Variants in SVIL observed in about 807,000 individuals in gnomAD.
SVIL encodes archvillin.
In SVIL, 101 loss-of-function variants were observed where a neutral mutation model predicts 240.4. That is an observed-to-expected ratio of 0.42 (90% CI 0.36 to 0.50). The LOEUF is 0.50. Ranked by LOEUF, SVIL falls within the 20% of genes least tolerant of loss-of-function variation. The pLI, the probability that SVIL is intolerant of heterozygous loss-of-function variation, is 0.01. For missense variants in SVIL, 2,512 were observed against 2,818.7 expected, an observed-to-expected ratio of 0.89 and a Z score of 2.46; for synonymous variants, 999 against 1,100.0, an observed-to-expected ratio of 0.91 and a Z score of 1.82.
chr10:29,551,033 C>T lies in SVIL; in HGVS notation c.391G>A (p.Glu131Lys), dbSNP rs772034783. 6.2e-7 allele frequency: 1 copy of T among 1,614,162 alleles called. No individual in the cohort carries two copies. The highest frequency in any genetic ancestry group is 1.1e-5 in the South Asian group (1 of 91,078). The change falls in exon 6 of 38, where the codon GAG becomes AAG. Residue 131 changes from glutamate (E) to lysine (K), a missense_variant. Around this residue, in one of 3 missense-constraint regions of SVIL, gnomAD observed 1,443 missense variants for 1,486.6 expected, o/e 0.97. Coordinates refer to ENST00000355867, the MANE Select transcript of SVIL (RefSeq NM_021738.3). ...GACTTGGTATAGCGGGATAAATACT[C>T]GGAGTCGGCCTCGGGATCCAGAGTC... is the stretch of plus-strand genomic sequence containing the variant. The part of the protein sequence containing the change: ...GLTLDPEADS[E>K]YLSRYTKSRK...
At chr10:29,479,077 C>T (rs1946539485) in intron 29 of SVIL, among the ~76,000 whole-genome samples, 1 of 152,054 alleles carries the variant, frequency 6.6e-6, no homozygotes, top group Non-Finnish European at 1.5e-5. Flanking sequence ...TTTAAGAAGC[C>T]CCTGAAGTTT....
chr10:29,632,490 C>CAA (rs372500753), intron 1 of SVIL, among the ~76,000 whole-genome samples: 9 of 95,000 alleles, frequency 9.5e-5, no homozygotes, highest in African/African-American at 2.4e-4. Context: ...GACTCCATCT[C>CAA]AAAAAAAAAA....
Position 29,554,788 on chromosome 10 carries a change from T to A in SVIL, c.155A>T (p.His52Leu). ...YMRASDPASP[H>L]IGRSNEEEET... ...CCACCCAGCTCCACGCTCACCGATG[T>A]GGGGGCTGGCAGGGTCGCTGGCTCT... Residue 52 changes from histidine (H) to leucine (L), a missense_variant, in exon 5 of 38, where the codon CAC becomes CTC. Transcript: ENST00000355867. The A allele has an allele frequency of 3.1e-6, 5 of 1,595,578 alleles. No individual in the cohort carries two copies. Among genetic ancestry groups the A allele is most frequent in the Non-Finnish European group, 4.3e-6 (5 of 1,172,062 alleles).
Position 29,555,116 on chromosome 10 carries a change from A to G in SVIL, c.-50-8T>C. 6.2e-7 allele frequency: 1 copy of G among 1,602,314 alleles called. No homozygotes were observed. Among genetic ancestry groups the G allele is most frequent in the Admixed American group, 1.8e-5 (1 of 56,410 alleles). On this transcript the variant is annotated splice_polypyrimidine_tract_variant and splice_region_variant and intron_variant, in intron 3 of 37. Transcript: ENST00000355867. ...TTTGTCTTAATTCTGCAACTGGAAG[A>G]AAACCAAAAAAGAACAAAATATAGT...
chr10:29,680,514 C>T (rs1001958441), intron 2 of SVIL, among the ~76,000 whole-genome samples: 14 of 152,184 alleles, frequency 9.2e-5, no homozygotes, highest in East Asian at 3.9e-4. Context: ...AAATGGGCCC[C>T]GATGCGTGCT....
intron 6 of SVIL, among the ~76,000 whole-genome samples, chr10:29,538,566 C>G (rs1479476321): frequency 6.6e-6 from 1 of 152,176 alleles, no homozygotes; most frequent in East Asian, 1.9e-4. Flanking sequence ...TGCGATGCTC[C>G]CCTGCGATGC....
chr10:29,561,769 G>A (rs1187174865), intron 3 of SVIL, among the ~76,000 whole-genome samples: 1 of 152,164 alleles, frequency 6.6e-6, no homozygotes, highest in Non-Finnish European at 1.5e-5. Context: ...CAGGTACCGT[G>A]AACGATTAAT....
chr10:29,462,175 T>A (rs1588771809), intron 36 of SVIL, 102 bp downstream of exon 36: 2 of 1,404,516 alleles, frequency 1.4e-6, no homozygotes, highest in East Asian at 4.9e-5. Flanking sequence ...AAAAATATTT[T>A]CCCACTCTGA....
chr10:29,594,234 T>C (rs991814049), intron 1 of SVIL, among the ~76,000 whole-genome samples: 4 of 118,436 alleles, frequency 3.4e-5, no homozygotes, highest in African/African-American at 6.5e-5. Context: ...CCCCAAGATA[T>C]CTCATTATGT....
chr10:29,520,952 G>A (rs1403110885), intron 16 of SVIL, among the ~76,000 whole-genome samples: 9 of 151,174 alleles, frequency 6.0e-5, no homozygotes, highest in African/African-American at 1.9e-4. Flanking sequence ...GGCCAGGCAC[G>A]GTGGCTCACG....
At chr10:29,596,838 G>A (rs1181590840) in intron 1 of SVIL, among the ~76,000 whole-genome samples, 1 of 152,198 alleles carries the variant, frequency 6.6e-6, no homozygotes, top group Non-Finnish European at 1.5e-5. Context: ...ATGGACAATG[G>A]TAAAGTGTTT....
chr10:29,615,061 G>A (rs539151595), intron 1 of SVIL, among the ~76,000 whole-genome samples: 3 of 152,112 alleles, frequency 2.0e-5, no homozygotes, highest in Non-Finnish European at 4.4e-5. Flanking sequence ...ATAACAAAAA[G>A]TGTTGGAATT....
chr10:29,529,577 T>G, intron 12 of SVIL, 128 bp downstream of exon 12: 1 of 1,129,964 alleles, frequency 8.8e-7, no homozygotes, highest in Non-Finnish European at 1.2e-6. Flanking sequence ...AATCCCTTAG[T>G]ACTAACTTCT....
At chr10:29,609,052 T>C (rs989293200) in intron 1 of SVIL, among the ~76,000 whole-genome samples, 1 of 152,186 alleles carries the variant, frequency 6.6e-6, no homozygotes, top group Non-Finnish European at 1.5e-5. Context: ...CTAAGACACT[T>C]GTCTGGACCA....
At position 29,620,681 on chromosome 10, in the gene SVIL, C is replaced by G. The variant is rs769284036; in HGVS notation, c.-201+13739G>C. Among the ~76,000 whole-genome samples, 9 of 152,268 alleles carry G rather than the reference C, an allele frequency of 5.9e-5. No homozygotes were observed. The South Asian group carries it at 6.2e-4, about 10-fold the overall frequency. ...TCACCCAGGCTGGAGTACAATGGCA[C>G]GATCTCAGCTCACTGCAAACTCCAC... On this transcript the variant is annotated intron_variant, in intron 1 of 37. Transcript: ENST00000355867.
intron 1 of SVIL, among the ~76,000 whole-genome samples, chr10:29,627,998 C>G (rs1159110292): frequency 9.2e-5 from 14 of 152,142 alleles, no homozygotes; most frequent in Admixed American, 9.2e-4. Flanking sequence ...CTGGCTCAAA[C>G]CTATAGAGTT....
intron 1 of SVIL, among the ~76,000 whole-genome samples, chr10:29,605,269 C>G (rs542567749): frequency 2.0e-5 from 3 of 152,290 alleles, no homozygotes; most frequent in Admixed American, 6.5e-5. Flanking sequence ...TTGCTGTTTT[C>G]AAACAAAGCT....
chr10:29,524,557 G>C lies in SVIL; in HGVS notation c.2501C>G (p.Ser834Cys). 6.2e-7 allele frequency: 1 copy of C among 1,614,140 alleles called. No homozygotes were observed. The highest frequency in any genetic ancestry group is 8.5e-7 in the Non-Finnish European group (1 of 1,180,046). The change falls in exon 14 of 38, where the codon TCT becomes TGT. Residue 834 changes from serine (S) to cysteine (C), a missense_variant. By Grantham distance (112) the Ser-to-Cys change is moderately radical (BLOSUM62 -1). Transcript: ENST00000355867. ...TCTCGTGTCTATTCTGTTCCGGGTA[G>C]AAATCGCTTTTGAGACTGGCTGGGA... is the stretch of plus-strand genomic sequence containing the variant. ...KLSQPVSKAI[S>C]TRNRIDTRQR...
chr10:29,592,062 C>A (rs1956411764), intron 1 of SVIL, among the ~76,000 whole-genome samples: 1 of 152,110 alleles, frequency 6.6e-6, no homozygotes, highest in South Asian at 2.1e-4. Flanking sequence ...ACCAGCCTGG[C>A]CAACATAGGA....
Sources: allele counts gnomAD v4.1 joint callset (sites outside exome capture counted in the v4.1 genomes callset), GRCh38; gene constraint gnomAD v4.1.1; regional missense constraint gnomAD v4.1.1; transcripts MANE v1.5; gene names NCBI Gene and HGNC (gene_info 2026-07-23, HGNC 2026-07-21).